RPH3AL: variants seen among roughly 807,000 people sequenced by gnomAD.
RPH3AL encodes rab effector Noc2.
In RPH3AL, 38 loss-of-function variants were observed where a neutral mutation model predicts 43.1. That is an observed-to-expected ratio of 0.88 (90% confidence interval 0.68 to 1.15). The LOEUF is 1.15. RPH3AL is among the 50% of genes most tolerant of loss of function. RPH3AL has a pLI of 0.00. For missense variants in RPH3AL, 462 were observed against 423.2 expected (o/e 1.09, Z -0.81); for synonymous variants, 189 against 176.3 (o/e 1.07, Z -0.57).
At chr17:226,238 G>T (rs1286927273) in intron 7 of RPH3AL, among the ~76,000 whole-genome samples, 1 of 152,210 alleles carries the variant, frequency 6.6e-6, no homozygotes, top group Non-Finnish European at 1.5e-5. Context: ...GAAGAAGTGG[G>T]GAAGAGCCTC....
chr17:247,227 A>C lies in RPH3AL; in HGVS notation c.497T>G (p.Leu166Arg). The C allele has an allele frequency of 6.2e-7, 1 of 1,612,926 alleles. No individual in the cohort carries two copies. Among genetic ancestry groups the C allele is most frequent in the Non-Finnish European group, 8.5e-7 (1 of 1,179,458 alleles). ...GTCATCAGCTCGGCCAGGGGTCTTC[A>C]GGGGCAAGATATACTTGGGGAGCCC... ...YKGLPKYILP[L>R]KTPGRADDPH... Residue 166 changes from leucine (L) to arginine (R), a missense_variant, in exon 7 of 10, where the codon CTG (leucine) becomes CGG (arginine). Physicochemically the swap from Leu to Arg is moderately radical, Grantham distance 102. Transcript: ENST00000331302.
intron 6 of RPH3AL, among the ~76,000 whole-genome samples, chr17:276,728 A>T (rs1359202854): frequency 2.0e-5 from 3 of 152,124 alleles, no homozygotes; most frequent in Admixed American, 6.6e-5. Flanking sequence ...TTTTTAAAAA[A>T]CACATTATCA....
chr17:331,764 C>T, intron 2 of RPH3AL: 1 of 1,289,106 alleles, frequency 7.8e-7, no homozygotes. Context: ...CTCTTGGGCT[C>T]AGAGGGCAGA....
intron 1 of RPH3AL, chr17:338,637 G>A (rs2045023942): frequency 6.6e-6 from 1 of 152,178 alleles, no homozygotes; most frequent in Non-Finnish European, 1.5e-5. Flanking sequence ...CCTGGCTTGG[G>A]ACGGGCAGTA....
intron 6 of RPH3AL, among the ~76,000 whole-genome samples, chr17:273,062 C>T (rs1567604740): frequency 1.2e-4 from 18 of 145,766 alleles, no homozygotes; most frequent in Admixed American, 1.4e-4. Flanking sequence ...GAGACCCCAG[C>T]GAGGGCGACG....
intron 5 of RPH3AL, among the ~76,000 whole-genome samples, chr17:314,503 A>G (rs915012557): frequency 7.7e-6 from 1 of 130,122 alleles, no homozygotes; most frequent in Non-Finnish European, 1.6e-5. Flanking sequence ...CCTATACTCC[A>G]CGTCCATTGA....
At chr17:285,498 G>A (rs751893997) in intron 5 of RPH3AL, among the ~76,000 whole-genome samples, 9 of 152,178 alleles carry the variant, frequency 5.9e-5, no homozygotes, top group South Asian at 2.1e-4. Context: ...CCCTCGTACC[G>A]TGTTCTGCAG....
intron 6 of RPH3AL, among the ~76,000 whole-genome samples, chr17:254,316 C>T (rs2042006179): frequency 6.8e-4 from 1 of 1,468 alleles, no homozygotes; most frequent in Non-Finnish European, 1.1e-3. Flanking sequence ...GGGAGCCGCA[C>T]GGCGTCTGTC....
At chr17:316,419 C>G (rs377115743) in intron 5 of RPH3AL, among the ~76,000 whole-genome samples, 38 of 127,362 alleles carry the variant, frequency 3.0e-4, no homozygotes, top group African/African-American at 1.2e-3. Context: ...TCCCTGTGAC[C>G]CCACCTCCAT....
chr17:296,472 G>A (rs2043183586), intron 5 of RPH3AL, among the ~76,000 whole-genome samples: 1 of 152,218 alleles, frequency 6.6e-6, no homozygotes, highest in Non-Finnish European at 1.5e-5. Context: ...ATGCACATCG[G>A]TGTGGGAGGG....
intron 7 of RPH3AL, among the ~76,000 whole-genome samples, chr17:237,455 G>A (rs1381306120): frequency 6.6e-6 from 1 of 152,216 alleles, no homozygotes; most frequent in African/African-American, 2.4e-5. Flanking sequence ...ACGGTGGAAG[G>A]CGGCAGGATT....
At chr17:347,625 C>T (rs181342061) in intron 1 of RPH3AL, among the ~76,000 whole-genome samples, 2 of 151,786 alleles carry the variant, frequency 1.3e-5, no homozygotes, top group African/African-American at 4.8e-5. Flanking sequence ...TAGTTTGTTA[C>T]AAAGTTGACT....
intron 5 of RPH3AL, among the ~76,000 whole-genome samples, chr17:296,051 G>A (rs1291033920): frequency 1.4e-5 from 2 of 144,094 alleles, no homozygotes; most frequent in African/African-American, 5.2e-5. Context: ...GGACAGAGGA[G>A]CTGCAGAAAT....
At chr17:315,441 CCT>C in intron 5 of RPH3AL, among the ~76,000 whole-genome samples, 1 of 4,102 alleles carries the variant, frequency 2.4e-4, no homozygotes. Flanking sequence ...AGTCCCTGTG[CCT>C]CACCTCCATT....
chr17:319,382 T>C (rs1173411526), intron 5 of RPH3AL, 38 bp downstream of exon 5: 1 of 1,603,938 alleles, frequency 6.2e-7, no homozygotes, highest in Non-Finnish European at 8.5e-7. Flanking sequence ...TGGTCCAGGC[T>C]GGGAAGCCAG....
rs1256114456 is a variant in RPH3AL, at chr17:281,759, ACG to A, written c.438+7_438+8del. Reference sequence around the variant, plus strand: ...TCAGCCCTCCCCACCGTCACCCTGGACGCCCTACCTCTCTTTGCTCACTGCAG... The same window carrying A: ...TCAGCCCTCCCCACCGTCACCCTGGACCCTACCTCTCTTTGCTCACTGCAG... On this transcript the variant is annotated splice_region_variant and intron_variant, in intron 6 of 9. Transcript: ENST00000331302. 6.3e-7 allele frequency: 1 copy of A among 1,584,742 alleles called. No homozygotes were observed. The highest frequency in any genetic ancestry group is 1.1e-5 in the South Asian group (1 of 90,534).
chr17:251,974 T>A (rs1341620625), intron 6 of RPH3AL, among the ~76,000 whole-genome samples: 1 of 96,360 alleles, frequency 1.0e-5, no homozygotes, highest in Non-Finnish European at 2.0e-5. Flanking sequence ...CTTTTTTTTT[T>A]ACTTTTTTTT....
Position 247,608 on chromosome 17 carries a change from C to T in RPH3AL, c.439-323G>A, listed in dbSNP as rs2041798512. 1.3e-5 allele frequency: 4 copies of T among 317,132 alleles called. No homozygotes were observed. The Admixed American group carries it at 1.3e-4, about 10-fold the overall frequency. 19.6% of individuals were successfully genotyped at this position (317,132 alleles called of 1,614,324 possible). A position where few individuals can be genotyped will look rare whatever the true frequency, so the allele number is the denominator to read the frequency against. ...TCACGCGGTCCTCCTGCCTCAGTCT[C>T]CTCAGCAGCTGGGACTACTGTACCT... On this transcript the variant is annotated intron_variant, in intron 6 of 9. Coordinates refer to ENST00000331302, the MANE Select transcript of RPH3AL (RefSeq NM_006987.4).
At chr17:297,868 C>T (rs1366281452) in intron 5 of RPH3AL, among the ~76,000 whole-genome samples, 1 of 152,172 alleles carries the variant, frequency 6.6e-6, no homozygotes, top group African/African-American at 2.4e-5. Context: ...TACTCCCGGG[C>T]CCTGGACTAG....
Sources: gnomAD v4.1 joint callset for allele counts (sites outside exome capture counted in the v4.1 genomes callset) on GRCh38, gnomAD v4.1.1 for gene constraint, MANE v1.5 for transcripts, NCBI Gene and HGNC (gene_info 2026-07-23, HGNC 2026-07-21) for gene names.